The following TFCP2L1 variants were observed in gnomAD, a reference collection of about 807,000 sequenced individuals.
The protein encoded by TFCP2L1 is transcription factor CP2 like 1.
TFCP2L1 carries 12 observed loss-of-function variants against 72.2 expected under a neutral mutation model. The observed-to-expected ratio is 0.17, with a 90% CI of 0.11 to 0.27. The LOEUF is 0.27. TFCP2L1 is among the 10% of genes least tolerant of loss of function. The pLI is 1.00. For missense variants in TFCP2L1, 488 were observed against 624.6 expected (o/e 0.78, Z 2.33); for synonymous variants, 260 against 251.0 (o/e 1.04, Z -0.34).
At chr2:121,247,069 T>G in intron 5 of TFCP2L1, 99 bp from the exon 6 acceptor site, 1 of 1,449,658 alleles carries the variant, frequency 6.9e-7, no homozygotes, top group South Asian at 1.3e-5. Context: ...CTTCCCTGCT[T>G]GGTCAGTGCA....
chr2:121,221,667 C>T lies in TFCP2L1; in HGVS notation c.*2674G>A, dbSNP rs988012895. 6.6e-6 allele frequency: 1 copy of T among 151,986 alleles called. No homozygotes were observed. Among genetic ancestry groups the T allele is most frequent in the Non-Finnish European group, 1.5e-5 (1 of 68,008 alleles). The allele number at this position is 151,986 out of a possible 1,614,324, so 9.4% of individuals were successfully genotyped here. ...TATAGTTCTTAGAAGAAAACACAGG[C>T]ATTAATCTTCTTGACCTTGGATTAG... On this transcript the variant is annotated 3_prime_UTR_variant, in exon 15 of 15. Coordinates refer to ENST00000263707, the MANE Select transcript of TFCP2L1 (RefSeq NM_014553.3).
rs1439441479 is a variant in TFCP2L1, at chr2:121,223,719, T to TA, written c.*621dup. The TA allele has an allele frequency of 6.5e-6, 1 of 154,460 alleles. No individual in the cohort carries two copies. Among genetic ancestry groups the TA allele is most frequent in the Non-Finnish European group, 1.4e-5 (1 of 69,226 alleles). 9.6% of individuals were successfully genotyped at this position (154,460 alleles called of 1,614,324 possible). A position where few individuals can be genotyped will look rare whatever the true frequency, so the allele number is the denominator to read the frequency against. On this transcript the variant is annotated 3_prime_UTR_variant, in exon 15 of 15. Coordinates refer to ENST00000263707, the MANE Select transcript of TFCP2L1 (RefSeq NM_014553.3). ...TTTGGGTTCCGCAGCAGCAGATCCT[T>TA]AGAAACAACGTAGAGAAGAAAGAGG... is the stretch of plus-strand genomic sequence containing the variant.
intron 7 of TFCP2L1, 83 bp from the exon 8 acceptor site, chr2:121,239,732 T>A: frequency 7.7e-7 from 1 of 1,306,096 alleles, no homozygotes; most frequent in Non-Finnish European, 1.1e-6. Flanking sequence ...AGGCATGCAC[T>A]GACACCAATG....
chr2:121,277,120 C>T (rs2580355), intron 2 of TFCP2L1, among the ~76,000 whole-genome samples: 88,782 of 151,986 alleles, frequency 0.58, 26,199 homozygotes, highest in East Asian at 0.66. Context: ...CCAACAAAAA[C>T]GTGCAAAGGA....
chr2:121,247,873 T>C (rs1374240518), intron 5 of TFCP2L1, among the ~76,000 whole-genome samples: 1 of 152,256 alleles, frequency 6.6e-6, no homozygotes, highest in Non-Finnish European at 1.5e-5. Flanking sequence ...AAAAAATGTT[T>C]ACTTTCAAAT....
intron 6 of TFCP2L1, among the ~76,000 whole-genome samples, chr2:121,246,298 T>A (rs1380107926): frequency 1.3e-5 from 2 of 152,092 alleles, no homozygotes; most frequent in African/African-American, 4.8e-5. Flanking sequence ...CTGTAGGGAA[T>A]GAAGCAGGGG....
chr2:121,264,589 G>C (rs1471985456), intron 2 of TFCP2L1, among the ~76,000 whole-genome samples: 1 of 152,224 alleles, frequency 6.6e-6, no homozygotes, highest in Admixed American at 6.5e-5. Flanking sequence ...GGAGGCTTTG[G>C]TGGCCTTGCT....
Position 121,225,610 on chromosome 2 carries a change from C to T in TFCP2L1, c.1345G>A (p.Val449Met), listed in dbSNP as rs747074153. ...CAGGATTCATCTTGGAAGTTCTGCACCATCTGAGAGACAAAAGAGAGAACA... is the reference window on the plus strand; with the variant it reads ...CAGGATTCATCTTGGAAGTTCTGCATCATCTGAGAGACAAAAGAGAGAACA... ...GIHVVVSNEMVQNFQDESCFV... is the reference protein window; with the variant it reads ...GIHVVVSNEMMQNFQDESCFV... Residue 449 changes from valine (V) to methionine (M), a missense_variant, in exon 14 of 15, where the codon GTG becomes ATG. Physicochemically the swap from Val to Met is conservative, Grantham distance 21 (BLOSUM62 1). Around this residue, in one of 3 missense-constraint regions of TFCP2L1, gnomAD observed 286 missense variants for 329.0 expected, o/e 0.87. Coordinates refer to ENST00000263707, the MANE Select transcript of TFCP2L1 (RefSeq NM_014553.3). 6.2e-7 allele frequency: 1 copy of T among 1,614,086 alleles called. No individual in the cohort carries two copies. Among genetic ancestry groups the T allele is most frequent in the East Asian group, 2.2e-5 (1 of 44,882 alleles).
chr2:121,230,055 C>T (rs1217879510), intron 13 of TFCP2L1, among the ~76,000 whole-genome samples: 3 of 152,190 alleles, frequency 2.0e-5, no homozygotes, highest in Non-Finnish European at 2.9e-5. Context: ...CTATAATCCT[C>T]TATACAGAGG....
At position 121,218,775 on chromosome 2, in the gene TFCP2L1, C is replaced by G. The variant is rs540709091; in HGVS notation, c.*5566G>C. On this transcript the variant is annotated 3_prime_UTR_variant, in exon 15 of 15. Coordinates refer to ENST00000263707, the MANE Select transcript of TFCP2L1 (RefSeq NM_014553.3). ...GGGATGGCAGGTGCAGCCCTGGCCA[C>G]TAGCACAGCAGTTGCCCTCAGATCT... The G allele has an allele frequency of 6.6e-6, 1 of 152,416 alleles. No individual in the cohort carries two copies. The highest frequency in any genetic ancestry group is 2.4e-5 in the African/African-American group (1 of 41,554). The allele number at this position is 152,416 out of a possible 1,614,324, so 9.4% of individuals were successfully genotyped here.
Position 121,221,288 on chromosome 2 carries a change from G to A in TFCP2L1, c.*3053C>T, listed in dbSNP as rs186167429. 9.4e-4 allele frequency: 143 copies of A among 152,196 alleles called. 2 individuals carry two copies. Among genetic ancestry groups the A allele is most frequent in the African/African-American group, 3.1e-3 (127 of 41,524 alleles). 9.4% of individuals were successfully genotyped at this position (152,196 alleles called of 1,614,324 possible). A position where few individuals can be genotyped will look rare whatever the true frequency, so the allele number is the denominator to read the frequency against. On this transcript the variant is annotated 3_prime_UTR_variant, in exon 15 of 15. Transcript: ENST00000263707. Reference sequence around the variant, plus strand: ...CTAGAACATGCACCAAGGAAGACTGGGGAACATCAGAGAGAGATAGGACTC... The same window carrying A: ...CTAGAACATGCACCAAGGAAGACTGAGGAACATCAGAGAGAGATAGGACTC...
At chr2:121,272,682 C>T (rs1274894868) in intron 2 of TFCP2L1, among the ~76,000 whole-genome samples, 3 of 152,148 alleles carry the variant, frequency 2.0e-5, no homozygotes, top group African/African-American at 7.2e-5. Context: ...ACAGGATTGG[C>T]GAGATGCTTC....
In TFCP2L1 at chr2:121,221,746, T is replaced by A. The variant is rs1204259172; in HGVS notation, c.*2595A>T. The A allele has an allele frequency of 1.3e-5, 2 of 152,018 alleles. No individual in the cohort carries two copies. The highest frequency in any genetic ancestry group is 6.6e-5 in the Admixed American group (1 of 15,262). 9.4% of individuals were successfully genotyped at this position (152,018 alleles called of 1,614,324 possible). On this transcript the variant is annotated 3_prime_UTR_variant, in exon 15 of 15. Coordinates refer to ENST00000263707, the MANE Select transcript of TFCP2L1 (RefSeq NM_014553.3). ...AGCACAAGTGACAATAGAAAAAAAA[T>A]ACGTATCTTGGAAATCATCAAAGTT...
At chr2:121,234,905 A>T (rs1270964226) in intron 11 of TFCP2L1, among the ~76,000 whole-genome samples, 2 of 152,168 alleles carry the variant, frequency 1.3e-5, no homozygotes, top group Non-Finnish European at 2.9e-5. Flanking sequence ...CCAGGACCAC[A>T]CAAGCATCTG....
chr2:121,278,162 G>A (rs924087015), intron 2 of TFCP2L1, among the ~76,000 whole-genome samples: 6 of 147,472 alleles, frequency 4.1e-5, no homozygotes, highest in East Asian at 4.0e-4. Flanking sequence ...TCAGCCTCCC[G>A]AGTAGCTGGG....
At chr2:121,270,168 C>G (rs147905338) in intron 2 of TFCP2L1, among the ~76,000 whole-genome samples, 1 of 152,128 alleles carries the variant, frequency 6.6e-6, no homozygotes, top group African/African-American at 2.4e-5. Context: ...ATTTTCCCCA[C>G]CAGTTACCAA....
At chr2:121,241,891 G>T (rs898180420) in intron 7 of TFCP2L1, among the ~76,000 whole-genome samples, 5 of 152,054 alleles carry the variant, frequency 3.3e-5, no homozygotes, top group African/African-American at 1.2e-4. Flanking sequence ...TACACTGTTG[G>T]TATATAAATG....
chr2:121,249,238 C>T (rs1686553897), intron 3 of TFCP2L1, 151 bp from the exon 4 acceptor site: 1 of 614,666 alleles, frequency 1.6e-6, no homozygotes, highest in Admixed American at 3.2e-5. Context: ...CCACTGTCCC[C>T]TCCTCAGATT....
chr2:121,229,625 A>C (rs919524652), intron 13 of TFCP2L1, among the ~76,000 whole-genome samples: 2 of 152,216 alleles, frequency 1.3e-5, no homozygotes, highest in African/African-American at 4.8e-5. Flanking sequence ...AGCTCCCCCA[A>C]ATAACAAGTG....
Sources: gnomAD v4.1 joint callset for allele counts (sites outside exome capture counted in the v4.1 genomes callset) on GRCh38, gnomAD v4.1.1 for gene constraint, gnomAD v4.1.1 regional missense constraint, MANE v1.5 for transcripts, NCBI Gene and HGNC (gene_info 2026-07-23, HGNC 2026-07-21) for gene names.